EBF3: variants seen among roughly 807,000 people sequenced by gnomAD.
The protein encoded by EBF3 is transcription factor COE3.
A neutral mutation model predicts 77.1 loss-of-function variants in EBF3; 18 were observed. The observed-to-expected ratio is 0.23, with a 90% CI of 0.16 to 0.35. The LOEUF (loss-of-function observed/expected upper bound fraction) is 0.35, where lower values mean the gene tolerates loss of function less well. Ranked by LOEUF, EBF3 falls within the 10% of genes least tolerant of loss-of-function variation. EBF3 has a pLI of 1.00. For synonymous variants in EBF3, 350 were observed against 343.5 expected, an observed-to-expected ratio of 1.02 and a Z score of -0.21; for missense variants, 558 against 860.0, an observed-to-expected ratio of 0.65 and a Z score of 4.39.
chr10:129,865,297 G>A (rs984880865), intron 10 of EBF3, among the ~76,000 whole-genome samples: 2 of 152,232 alleles, frequency 1.3e-5, no homozygotes, highest in African/African-American at 4.8e-5. Context: ...AATTGTTGAA[G>A]TGTATATAAG....
At chr10:129,899,649 A>T (rs554510832) in intron 6 of EBF3, among the ~76,000 whole-genome samples, 2 of 151,914 alleles carry the variant, frequency 1.3e-5, no homozygotes, top group East Asian at 3.9e-4. Context: ...GCAGGGTTGA[A>T]CTCCTCCACA....
intron 10 of EBF3, among the ~76,000 whole-genome samples, chr10:129,855,117 G>A (rs867899360): frequency 2.0e-5 from 3 of 152,198 alleles, no homozygotes; most frequent in Non-Finnish European, 2.9e-5. Context: ...CCCCCAACCC[G>A]CTCACTGCAG....
At chr10:129,902,836 G>A (rs2134251066) in intron 6 of EBF3, among the ~76,000 whole-genome samples, 1 of 152,332 alleles carries the variant, frequency 6.6e-6, no homozygotes, top group South Asian at 2.1e-4. Context: ...GTGCCTGGCA[G>A]GGCAAGACAG....
intron 7 of EBF3, among the ~76,000 whole-genome samples, chr10:129,877,481 CAAA>C (rs10541156): frequency 0.013 from 971 of 77,244 alleles, 11 homozygotes; most frequent in African/African-American, 0.045. Flanking sequence ...ACTCTGTCTC[CAAA>C]AAAAAAAAAA....
rs540973763 is a variant in EBF3 at position 129,926,798 on chromosome 10, G to A, written c.554+30460C>T. On this transcript the variant is annotated intron_variant, in intron 6 of 16. Transcript: ENST00000440978. ...TCACTGGAGGACACACATAGCCAAG[G>A]CCCTGCATGTCAGAGTGTGGAACCA... Among the ~76,000 whole-genome samples the A allele has an allele frequency of 4.8e-3, 737 of 152,356 alleles. 3 individuals are homozygous for A. Among genetic ancestry groups the A allele is most frequent in the Non-Finnish European group, 7.8e-3 (532 of 68,034 alleles).
rs555743885 is a variant in EBF3 at position 129,920,304 on chromosome 10, C to T, written c.554+36954G>A. Reference sequence around the variant, plus strand: ...CTCCAGGAGGGCCACAAACCCGCCCCGCTGTGCGGTCTAGGGCCAGTATCT... The same window carrying T: ...CTCCAGGAGGGCCACAAACCCGCCCTGCTGTGCGGTCTAGGGCCAGTATCT... On this transcript the variant is annotated intron_variant, in intron 6 of 16. Coordinates refer to ENST00000440978, the MANE Select transcript of EBF3 (RefSeq NM_001375380.1). Among the ~76,000 whole-genome samples, 101 of 150,022 alleles carry T rather than the reference C, an allele frequency of 6.7e-4. 1 individual carries two copies. Among genetic ancestry groups the T allele is most frequent in the Admixed American group, 5.9e-3 (89 of 15,000 alleles).
intron 10 of EBF3, among the ~76,000 whole-genome samples, chr10:129,859,137 T>C (rs1851447488): frequency 6.6e-6 from 1 of 152,242 alleles, no homozygotes; most frequent in South Asian, 2.1e-4. Context: ...ACAGTCCACA[T>C]CGCTGACAGA....
chr10:129,959,073 G>T, intron 4 of EBF3, 66 bp from the exon 5 acceptor site: 2 of 1,584,000 alleles, frequency 1.3e-6, no homozygotes, highest in East Asian at 2.4e-5. Context: ...AAATCGCCCC[G>T]GGCGCTGCAG....
rs1337306042 is a variant in EBF3 at position 129,952,809 on chromosome 10, A to G, written c.554+4449T>C. Among the ~76,000 whole-genome samples, 5 of 152,294 alleles carry G rather than the reference A, an allele frequency of 3.3e-5. No homozygotes were observed. In the East Asian group the frequency reaches 9.7e-4, roughly 29 times the overall value. ...AATATAGCTAATAAAAAATATAATG[A>G]GTGTTCAGCAAAATCGGCATTAGGC... On this transcript the variant is annotated intron_variant, in intron 6 of 16. Transcript: ENST00000440978. The surrounding 1 kb of genome is among the most constrained non-coding windows in gnomAD (Gnocchi z 4.7).
At chr10:129,860,097 G>T (rs140609574) in intron 10 of EBF3, among the ~76,000 whole-genome samples, 1 of 152,146 alleles carries the variant, frequency 6.6e-6, no homozygotes, top group African/African-American at 2.4e-5. Flanking sequence ...TGCACTTCAG[G>T]TGATCACACT....
Position 129,885,523 on chromosome 10 carries a change from G to T in EBF3, c.555-7674C>A, listed in dbSNP as rs542266944. ...AAGAAGTCAACTGCACAACACAAAA[G>T]AAATGTGAAGTGCACTATATTTACA... On this transcript the variant is annotated intron_variant, in intron 6 of 16. Transcript: ENST00000440978. This position sits in a 1 kb window ranked among gnomAD's most constrained non-coding sequence, Gnocchi z 4.0. Among the ~76,000 whole-genome samples the T allele has an allele frequency of 6.6e-6, 1 of 152,294 alleles. No individual in the cohort carries two copies. Among genetic ancestry groups the T allele is most frequent in the East Asian group, 1.9e-4 (1 of 5,188 alleles).
At chr10:129,851,570 G>A (rs1348796122) in intron 10 of EBF3, among the ~76,000 whole-genome samples, 1 of 152,162 alleles carries the variant, frequency 6.6e-6, no homozygotes, top group Non-Finnish European at 1.5e-5. Flanking sequence ...GAAACGTATT[G>A]TAAGCTCCCA....
intron 6 of EBF3, among the ~76,000 whole-genome samples, chr10:129,954,407 T>C (rs1858891150): frequency 6.7e-6 from 1 of 149,550 alleles, no homozygotes; most frequent in Non-Finnish European, 1.5e-5. Flanking sequence ...GGAAACAGCC[T>C]CACTTCCCCC....
At chr10:129,936,594 C>T (rs1222551928) in intron 6 of EBF3, among the ~76,000 whole-genome samples, 1 of 150,962 alleles carries the variant, frequency 6.6e-6, no homozygotes, top group East Asian at 2.0e-4. Context: ...ATGGGGGACC[C>T]TCGGTCTGTG....
rs1589722701 is a variant in EBF3 at position 129,859,176 on chromosome 10, T to C, written c.1039+7965A>G. Among the ~76,000 whole-genome samples, 4 of 152,366 alleles carry C rather than the reference T, an allele frequency of 2.6e-5. No homozygotes were observed. The South Asian group carries it at 8.3e-4, about 32-fold the overall frequency. On this transcript the variant is annotated intron_variant, in intron 10 of 16. Transcript: ENST00000440978. ...CCTTCTATTTGTTGTTGTGGCTTTA[T>C]TTCAAAGCCACTCTAAAAGACAAAA...
chr10:129,922,957 A>C (rs998655115), intron 6 of EBF3, among the ~76,000 whole-genome samples: 4 of 152,082 alleles, frequency 2.6e-5, no homozygotes, highest in Non-Finnish European at 5.9e-5. Context: ...GACCTTCCCC[A>C]TCTCCTCTTT....
intron 6 of EBF3, among the ~76,000 whole-genome samples, chr10:129,880,390 CAT>C (rs555595296): frequency 2.6e-3 from 398 of 151,958 alleles, no homozygotes; most frequent in Middle Eastern, 0.01. Context: ...CATACACACA[CAT>C]GCCTACACAT....
At chr10:129,894,999 A>G (rs554825522) in intron 6 of EBF3, among the ~76,000 whole-genome samples, 246 of 152,296 alleles carry the variant, frequency 1.6e-3, no homozygotes, top group Non-Finnish European at 2.8e-3. Context: ...TGCTCATGGC[A>G]GAGGCTGTAA....
intron 10 of EBF3, among the ~76,000 whole-genome samples, chr10:129,862,677 A>G (rs1851724782): frequency 6.6e-6 from 1 of 152,198 alleles, no homozygotes; most frequent in Non-Finnish European, 1.5e-5. Context: ...ACAGTAACAC[A>G]CGCATTTGTG....
Sources: gnomAD v4.1 joint callset for allele counts (sites outside exome capture counted in the v4.1 genomes callset) on GRCh38, gnomAD v4.1.1 for gene constraint, Gnocchi (gnomAD v3.1) non-coding constraint, MANE v1.5 for transcripts, NCBI Gene and HGNC (gene_info 2026-07-23, HGNC 2026-07-21) for gene names.